Variants in PCCB observed in about 807,000 individuals in gnomAD.
The protein encoded by PCCB is propionyl-CoA carboxylase beta chain, mitochondrial.
A neutral mutation model predicts 60.7 loss-of-function variants in PCCB; 43 were observed. That is an observed-to-expected ratio of 0.71 (90% CI 0.55 to 0.91). PCCB has a LOEUF of 0.91. Among genes scored for constraint, PCCB ranks in the 40% least tolerant of loss-of-function variants. The pLI is 0.00. For synonymous variants in PCCB, 276 were observed against 255.9 expected (o/e 1.08, Z -0.75); for missense variants, 766 against 702.8 (o/e 1.09, Z -1.02).
chr3:136,295,702 A>T (rs560806843), intron 7 of PCCB, among the ~76,000 whole-genome samples: 1 of 152,268 alleles, frequency 6.6e-6, no homozygotes, highest in African/African-American at 2.4e-5. Context: ...AAAAACTGCT[A>T]GATATTCCAT....
At chr3:136,251,598 G>A (rs1488159890) in intron 1 of PCCB, among the ~76,000 whole-genome samples, 1 of 152,196 alleles carries the variant, frequency 6.6e-6, no homozygotes, top group Non-Finnish European at 1.5e-5. Context: ...TAAATTTAGT[G>A]ATGGTTTGTG....
At chr3:136,294,879 A>G (rs1455882292) in intron 7 of PCCB, among the ~76,000 whole-genome samples, 1 of 152,052 alleles carries the variant, frequency 6.6e-6, no homozygotes, top group Non-Finnish European at 1.5e-5. Context: ...CGACCTCCCA[A>G]AGTGCTGGGA....
intron 10 of PCCB, among the ~76,000 whole-genome samples, chr3:136,322,428 T>C (rs1344258130): frequency 1.3e-5 from 2 of 152,232 alleles, no homozygotes; most frequent in Admixed American, 1.3e-4. Flanking sequence ...TTTCTTGCAA[T>C]GTCTTTGTCT....
At chr3:136,257,575 T>C (rs1048330728) in intron 3 of PCCB, among the ~76,000 whole-genome samples, 1 of 152,212 alleles carries the variant, frequency 6.6e-6, no homozygotes, top group African/African-American at 2.4e-5. Flanking sequence ...ATTTGACTTT[T>C]TTCTCTCCAG....
rs747881252 is a variant in PCCB at position 136,293,859 on chromosome 3, T to A, written c.758T>A (p.Met253Lys). ...GGTGGTGCCAAGACCCACACCACCA[T>A]GTCAGGTGAGAGGCCTTGAAGATGA... is the stretch of plus-strand genomic sequence containing the variant. The part of the protein sequence containing the change: ...ELGGAKTHTT[M>K]SGVAHRAFEN... Residue 253 changes from methionine (M) to lysine (K), a missense_variant, in exon 7 of 15, where the codon ATG becomes AAG. Coordinates refer to ENST00000251654, the MANE Select transcript of PCCB (RefSeq NM_000532.5). 1 of 1,572,662 alleles carries A rather than the reference T, an allele frequency of 6.4e-7. No homozygotes were observed. The highest frequency in any genetic ancestry group is 1.7e-5 in the Admixed American group (1 of 59,974).
chr3:136,286,094 A>G (rs1311002914), intron 6 of PCCB, among the ~76,000 whole-genome samples: 2 of 152,260 alleles, frequency 1.3e-5, no homozygotes, highest in African/African-American at 2.4e-5. Flanking sequence ...TGTCTGAAGA[A>G]CTTGTAGGTA....
chr3:136,313,454 G>A (rs1480423663), intron 9 of PCCB, among the ~76,000 whole-genome samples: 1 of 152,070 alleles, frequency 6.6e-6, no homozygotes, highest in African/African-American at 2.4e-5. Flanking sequence ...GACATATTAA[G>A]TGAAAAAATT....
chr3:136,274,787 T>A (rs1942297603), intron 5 of PCCB, among the ~76,000 whole-genome samples: 1 of 152,022 alleles, frequency 6.6e-6, no homozygotes, highest in South Asian at 2.1e-4. Flanking sequence ...TTTTACATAA[T>A]CCCATATTTC....
intron 5 of PCCB, among the ~76,000 whole-genome samples, chr3:136,281,423 GTTA>G (rs1347093660): frequency 1.3e-5 from 2 of 151,226 alleles, no homozygotes; most frequent in African/African-American, 4.9e-5. Flanking sequence ...TTTCATTTCA[GTTA>G]TTGTCAACTC....
At chr3:136,266,041 G>C (rs750082637) in intron 5 of PCCB, among the ~76,000 whole-genome samples, 1 of 151,750 alleles carries the variant, frequency 6.6e-6, no homozygotes, top group Non-Finnish European at 1.5e-5. Context: ...TAGCTAGGAT[G>C]GTCTCGATCT....
chr3:136,315,217 A>G (rs747033819), intron 9 of PCCB, among the ~76,000 whole-genome samples: 2 of 152,216 alleles, frequency 1.3e-5, no homozygotes, highest in Admixed American at 1.3e-4. Context: ...TATTGGAACA[A>G]TTGGCAAACT....
chr3:136,288,143 G>A (rs1356487524), intron 6 of PCCB, among the ~76,000 whole-genome samples: 1 of 152,080 alleles, frequency 6.6e-6, no homozygotes. Flanking sequence ...GTGCCTTTTT[G>A]TATGATTCCT....
rs59249742 is a variant in PCCB at position 136,251,335 on chromosome 3, A to G, written c.183+777A>G. The G allele has an allele frequency of 3.0e-3, 1,390 of 456,684 alleles. 19 individuals carry two copies. The highest frequency in any genetic ancestry group is 0.025 in the African/African-American group (1,278 of 50,192). The allele number at this position is 456,684 out of a possible 1,614,324, so 28.3% of individuals were successfully genotyped here. On this transcript the variant is annotated intron_variant, in intron 1 of 14. Coordinates refer to ENST00000251654, the MANE Select transcript of PCCB (RefSeq NM_000532.5). ...ACCAGGCTTGCCCAGTGTGTCCGTGACTGGTGGGTGAGTCTGGACCGTTGT... is the reference window on the plus strand; with the variant it reads ...ACCAGGCTTGCCCAGTGTGTCCGTGGCTGGTGGGTGAGTCTGGACCGTTGT...
At chr3:136,296,526 G>A (rs887606403) in intron 7 of PCCB, among the ~76,000 whole-genome samples, 2 of 151,948 alleles carry the variant, frequency 1.3e-5, no homozygotes, top group Non-Finnish European at 2.9e-5. Flanking sequence ...ATAGACACTG[G>A]GTCATTTCCA....
At chr3:136,327,396 C>A in intron 12 of PCCB, 141 bp downstream of exon 12, 2 of 763,592 alleles carry the variant, frequency 2.6e-6, no homozygotes, top group East Asian at 2.7e-5. Flanking sequence ...GATGTTGTTC[C>A]CAGCCCCGCA....
At chr3:136,321,927 G>A (rs982998331) in intron 10 of PCCB, among the ~76,000 whole-genome samples, 2 of 152,104 alleles carry the variant, frequency 1.3e-5, no homozygotes, top group African/African-American at 4.8e-5. Flanking sequence ...TGTCATCTGT[G>A]AACAAAGACA....
intron 6 of PCCB, among the ~76,000 whole-genome samples, chr3:136,284,575 C>T (rs1340800719): frequency 6.6e-6 from 1 of 152,092 alleles, no homozygotes; most frequent in Non-Finnish European, 1.5e-5. Context: ...GATGCCAAGA[C>T]AGAATGGTTG....
chr3:136,283,998 T>G, intron 6 of PCCB, 51 bp downstream of exon 6: 3 of 1,089,548 alleles, frequency 2.8e-6, no homozygotes, highest in Non-Finnish European at 4.3e-6. Context: ...GTGCAGTTCC[T>G]TACCTGCAAT....
intron 6 of PCCB, among the ~76,000 whole-genome samples, chr3:136,290,671 G>GTTTATTTTTTTTTTTT (rs1933637173): frequency 1.7e-5 from 1 of 60,050 alleles, no homozygotes; most frequent in Non-Finnish European, 2.7e-5. Context: ...TCTCTGTGTA[G>GTTTATTTTTTTTTTTT]TTTTTTTTTT....
Sources: allele counts gnomAD v4.1 joint callset (sites outside exome capture counted in the v4.1 genomes callset), GRCh38; gene constraint gnomAD v4.1.1; transcripts MANE v1.5; gene names NCBI Gene and HGNC (gene_info 2026-07-23, HGNC 2026-07-21).